Variants in SYT7 observed in about 807,000 individuals in gnomAD.
SYT7 encodes synaptotagmin-7.
Under a neutral mutation model 75.1 loss-of-function variants are expected in SYT7, and 29 were observed. The ratio of observed to expected loss-of-function variants is 0.39; its 90% CI spans 0.29 to 0.53. SYT7 has a LOEUF of 0.53. SYT7 is among the 20% of genes least tolerant of loss of function. SYT7 has a pLI of 0.77. For missense variants in SYT7, 693 were observed against 953.2 expected, an observed-to-expected ratio of 0.73 and a Z score of 3.59; for synonymous variants, 376 against 401.7, an observed-to-expected ratio of 0.94 and a Z score of 0.76.
chr11:61,542,061 C>A lies in SYT7; in HGVS notation c.941+150G>T. On this transcript the variant is annotated intron_variant, in intron 6 of 12. Transcript: ENST00000539008. This position sits in a 1 kb window ranked among gnomAD's most constrained non-coding sequence, Gnocchi z 7.8. ...GCCTTCAGGCAGGAGCCACAAGAGG[C>A]TAAGGAGGGGGCTGCCAAGTCTGCT... 1 of 1,090,160 alleles carries A rather than the reference C, an allele frequency of 9.2e-7. No individual in the cohort carries two copies. The highest frequency in any genetic ancestry group is 1.3e-6 in the Non-Finnish European group (1 of 793,006). The allele number at this position is 1,090,160 out of a possible 1,614,324, so 67.5% of individuals were successfully genotyped here.
At chr11:61,566,703 T>G (rs1225877937) in intron 1 of SYT7, among the ~76,000 whole-genome samples, 3 of 152,196 alleles carry the variant, frequency 2.0e-5, no homozygotes, top group Non-Finnish European at 2.9e-5. Flanking sequence ...GTGTGATGAT[T>G]AAGTGTGGGC....
chr11:61,530,600 G>T (rs771120736), intron 8 of SYT7, among the ~76,000 whole-genome samples: 2 of 152,182 alleles, frequency 1.3e-5, no homozygotes, highest in Non-Finnish European at 2.9e-5. Context: ...GGTAGACAGT[G>T]CCAGCAAAGA....
At chr11:61,587,238 A>G in the SYT7 span, among the ~76,000 whole-genome samples, 1 of 152,122 alleles carries the variant, frequency 6.6e-6, no homozygotes, top group Non-Finnish European at 1.5e-5. Context: ...CTGAGTTGGA[A>G]CCCCAGACCC....
upstream of SYT7, among the ~76,000 whole-genome samples, chr11:61,581,388 C>T (rs558234305): frequency 6.6e-6 from 1 of 152,106 alleles, no homozygotes; most frequent in South Asian, 2.1e-4. Context: ...CACCCCCAGC[C>T]CGTGCTCCCC....
At chr11:61,559,818 G>T (rs1003026555) in intron 1 of SYT7, among the ~76,000 whole-genome samples, 12 of 152,196 alleles carry the variant, frequency 7.9e-5, no homozygotes, top group African/African-American at 2.4e-4. Flanking sequence ...CACTCTGAAA[G>T]GTCCCCAGAA....
intron 6 of SYT7, among the ~76,000 whole-genome samples, chr11:61,541,514 C>T (rs2063041704): frequency 6.6e-6 from 1 of 152,120 alleles, no homozygotes; most frequent in African/African-American, 2.4e-5. Flanking sequence ...ACTTCTTAGA[C>T]CTATATACTT....
At chr11:61,522,639 G>A (rs976921532) in intron 12 of SYT7, among the ~76,000 whole-genome samples, 5 of 152,222 alleles carry the variant, frequency 3.3e-5, no homozygotes, top group African/African-American at 1.2e-4. Context: ...TGATATGGTT[G>A]TTTATCGGCA....
In SYT7 at chr11:61,514,878, C is replaced by T. The variant is rs3741259; in HGVS notation, c.*3749G>A. Among the ~76,000 whole-genome samples the T allele has an allele frequency of 0.14, 20,597 of 152,196 alleles. 1,980 individuals carry two copies. The highest frequency in any genetic ancestry group is 0.39 in the East Asian group (2,040 of 5,170). On this transcript the variant is annotated 3_prime_UTR_variant, in exon 13 of 13. Coordinates refer to ENST00000539008, the MANE Select transcript of SYT7 (RefSeq NM_001365809.2). Reference sequence around the variant, plus strand: ...CCCACCTCAGGGACCAGGAAGGAGGCGCTGGCCTGAAACTACAGTGGCCCC... The same window carrying T: ...CCCACCTCAGGGACCAGGAAGGAGGTGCTGGCCTGAAACTACAGTGGCCCC...
chr11:61,525,494 C>A (rs551099413), intron 9 of SYT7, among the ~76,000 whole-genome samples: 1 of 152,266 alleles, frequency 6.6e-6, no homozygotes, highest in East Asian at 1.9e-4. Flanking sequence ...CCCATCATGA[C>A]CCCCCTCCTG....
intron 1 of SYT7, among the ~76,000 whole-genome samples, chr11:61,567,586 C>T (rs924928084): frequency 6.6e-6 from 1 of 152,222 alleles, no homozygotes; most frequent in African/African-American, 2.4e-5. Flanking sequence ...CCCCTTTCCT[C>T]GAGTTAGGTC....
In SYT7 at chr11:61,551,353, C is replaced by T. The variant is rs766780854; in HGVS notation, c.215+31G>A. 9.9e-6 allele frequency: 16 copies of T among 1,609,076 alleles called. No homozygotes were observed. Among genetic ancestry groups the T allele is most frequent in the Non-Finnish European group, 1.7e-6 (2 of 1,176,534 alleles). Reference sequence around the variant, plus strand: ...CCTCCCACCTGGGCTGCTTGTGTGGCCCCATCCCAAACTAGCAGCCTGGCA... The same window carrying T: ...CCTCCCACCTGGGCTGCTTGTGTGGTCCCATCCCAAACTAGCAGCCTGGCA... On this transcript the variant is annotated intron_variant, in intron 3 of 12. Coordinates refer to ENST00000539008, the MANE Select transcript of SYT7 (RefSeq NM_001365809.2). This position sits in a 1 kb window ranked among gnomAD's most constrained non-coding sequence, Gnocchi z 5.3.
At chr11:61,579,898 G>C (rs975471148) in intron 1 of SYT7, among the ~76,000 whole-genome samples, 1 of 152,226 alleles carries the variant, frequency 6.6e-6, no homozygotes, top group Non-Finnish European at 1.5e-5. Flanking sequence ...AGCGGGGATG[G>C]AGCCTGGGCA....
Position 61,546,757 on chromosome 11 carries a change from C to T in SYT7, c.347+420G>A, listed in dbSNP as rs919632782. 6.4e-5 allele frequency: 27 copies of T among 419,436 alleles called. No homozygotes were observed. The highest frequency in any genetic ancestry group is 1.0e-4 in the Non-Finnish European group (22 of 210,550). 26.0% of individuals were successfully genotyped at this position (419,436 alleles called of 1,614,324 possible). A position where few individuals can be genotyped will look rare whatever the true frequency, so the allele number is the denominator to read the frequency against. On this transcript the variant is annotated intron_variant, in intron 4 of 12. Coordinates refer to ENST00000539008, the MANE Select transcript of SYT7 (RefSeq NM_001365809.2). This position sits in a 1 kb window ranked among gnomAD's most constrained non-coding sequence, Gnocchi z 7.6. ...ACCACCATCACCGCCACCACCGCCA[C>T]GAACCACCGACCACCGACCACCGAC... is the stretch of plus-strand genomic sequence containing the variant.
chr11:61,518,815 ACCATGATAC>A (rs995294712), intron 12 of SYT7, 84 bp from the exon 13 acceptor site: 1 of 976,328 alleles, frequency 1.0e-6, no homozygotes, highest in African/African-American at 1.7e-5. Context: ...CCCCAACTCC[ACCATGATAC>A]CCTAGCCTGT....
rs761794776 is a variant in SYT7 at position 61,580,825 on chromosome 11, C to T, written c.-5G>A. On this transcript the variant is annotated 5_prime_UTR_variant, in exon 1 of 13. Transcript: ENST00000539008. The surrounding 1 kb of genome is among the most constrained non-coding windows in gnomAD (Gnocchi z 6.1). ...CGCCTCCGGGTCCCGGTACATGGTCCCCTCGTCGCCGGTTCCCTCCGGGCT... is the reference window on the plus strand; with the variant it reads ...CGCCTCCGGGTCCCGGTACATGGTCTCCTCGTCGCCGGTTCCCTCCGGGCT... The T allele has an allele frequency of 6.9e-5, 88 of 1,266,880 alleles. 1 individual carries two copies. In the South Asian group the frequency reaches 2.0e-3, roughly 29 times the overall value. 78.5% of individuals were successfully genotyped at this position (1,266,880 alleles called of 1,614,324 possible).
At chr11:61,541,400 A>C in intron 6 of SYT7, 41 of 440,984 alleles carry the variant, frequency 9.3e-5, no homozygotes, top group South Asian at 2.1e-4. Context: ...GTCCAGAGAG[A>C]TGCTGGGGAG....
At chr11:61,541,914 G>A (rs2135237483) in intron 6 of SYT7, among the ~76,000 whole-genome samples, 1 of 152,308 alleles carries the variant, frequency 6.6e-6, no homozygotes, top group South Asian at 2.1e-4. Context: ...TAGCTGGGGA[G>A]AAGAGATGTA....
chr11:61,547,067 G>A (rs1184980201), intron 4 of SYT7, 110 bp downstream of exon 4: 31 of 1,329,594 alleles, frequency 2.3e-5, no homozygotes, highest in African/African-American at 2.9e-5. Flanking sequence ...GGACAGGAGC[G>A]AGAGGAGAGA....
intron 1 of SYT7, among the ~76,000 whole-genome samples, chr11:61,578,709 C>T (rs1228157381): frequency 2.6e-5 from 4 of 152,078 alleles, no homozygotes; most frequent in Non-Finnish European, 5.9e-5. Context: ...CTCAAGGACC[C>T]CAGATGACTA....
Sources: gnomAD v4.1 joint callset for allele counts (sites outside exome capture counted in the v4.1 genomes callset) on GRCh38, gnomAD v4.1.1 for gene constraint, Gnocchi (gnomAD v3.1) non-coding constraint, MANE v1.5 for transcripts, NCBI Gene and HGNC (gene_info 2026-07-23, HGNC 2026-07-21) for gene names.